The following FAM174B variants were observed in gnomAD, a reference collection of about 807,000 sequenced individuals.
FAM174B encodes family with sequence similarity 174 member B.
A neutral mutation model predicts 10.9 loss-of-function variants in FAM174B; 12 were observed. That is an observed-to-expected ratio of 1.10 (90% CI 0.71 to 1.79). The LOEUF (loss-of-function observed/expected upper bound fraction) is 1.79, where lower values mean the gene tolerates loss of function less well. Among genes scored for constraint, FAM174B ranks in the 40% most tolerant of loss-of-function variants. The pLI, the probability that FAM174B is intolerant of heterozygous loss-of-function variation, is 0.00. For missense variants in FAM174B, 266 were observed against 233.3 expected (o/e 1.14, Z -0.91); for synonymous variants, 132 against 115.8 (o/e 1.14, Z -0.90).
At chr15:92,640,177 T>C (rs182054875) in intron 1 of FAM174B, among the ~76,000 whole-genome samples, 8 of 152,188 alleles carry the variant, frequency 5.3e-5, no homozygotes, top group African/African-American at 1.9e-4. Flanking sequence ...ATAGAAGTAC[T>C]AGAAGAAAAC....
At position 92,630,305 on chromosome 15, in the gene FAM174B, T is replaced by C. The variant is rs1163207686; in HGVS notation, c.385A>G (p.Ile129Val). Residue 129 changes from isoleucine (I) to valine (V), a missense_variant, in exon 2 of 3, where the codon ATC becomes GTC. Coordinates refer to ENST00000327355, the MANE Select transcript of FAM174B (RefSeq NM_207446.3). ...RLKKTRKYDI[I>V]TTPAERVEMA... ...TCCACTCGCTCTGCTGGAGTGGTGA[T>C]GATATCATACTTGCGTGTCTTCTTT... 1 of 1,613,756 alleles carries C rather than the reference T, an allele frequency of 6.2e-7. No individual in the cohort carries two copies. Among genetic ancestry groups the C allele is most frequent in the Non-Finnish European group, 8.5e-7 (1 of 1,179,782 alleles).
rs501381 is a variant in FAM174B at position 92,655,441 on chromosome 15, A to G, written c.219T>C (p.Ser73=). Residue 73 remains serine (S), a synonymous_variant, in exon 1 of 3, where the codon AGT becomes AGC. Coordinates refer to ENST00000327355, the MANE Select transcript of FAM174B (RefSeq NM_207446.3). ...AAATGCGGGTCACCAAGGCGTCGCC[A>G]CTGCTGTTGGAGCTGGAGCTGCCGC... The part of the protein sequence containing the change: ...GGSGSSSSNS[S]GDALVTRISI... 1 allele frequency: 1,580,080 copies of G among 1,587,978 alleles called. 786,443 individuals carry two copies. Among genetic ancestry groups the G allele is most frequent in the East Asian group, 1 (42,305 of 42,308 alleles).
chr15:92,638,285 C>G (rs1416212926), intron 1 of FAM174B, among the ~76,000 whole-genome samples: 1 of 152,198 alleles, frequency 6.6e-6, no homozygotes, highest in Non-Finnish European at 1.5e-5. Flanking sequence ...TCATTTCTAA[C>G]AAGAGAGAGG....
intron 2 of FAM174B, among the ~76,000 whole-genome samples, chr15:92,628,499 G>T (rs537507591): frequency 6.6e-6 from 1 of 152,024 alleles, no homozygotes; most frequent in South Asian, 2.1e-4. Context: ...TTCAATTTGT[G>T]GTTGCTTGAG....
In FAM174B at chr15:92,632,273, G is replaced by A. The variant is rs913512160; in HGVS notation, c.345-1928C>T. On this transcript the variant is annotated intron_variant, in intron 1 of 2. Transcript: ENST00000327355. ...TAAAGACAGGCTCTCGGCCGGGTGC[G>A]GTGGCTCACGCCTGTAATCCTAGCA... Among the ~76,000 whole-genome samples the A allele has an allele frequency of 5.3e-5, 8 of 152,128 alleles. No homozygotes were observed. The South Asian group carries it at 6.2e-4, about 12-fold the overall frequency.
Position 92,619,003 on chromosome 15 carries a change from G to C in FAM174B, c.*453C>G. On this transcript the variant is annotated 3_prime_UTR_variant, in exon 3 of 3. Coordinates refer to ENST00000327355, the MANE Select transcript of FAM174B (RefSeq NM_207446.3). ...AAAAAGCAGCAAAGGATCAGATGGG[G>C]TCCAATGTGTAGATCCAGTAGAGAA... 2 of 599,456 alleles carry C rather than the reference G, an allele frequency of 3.3e-6. No homozygotes were observed. The highest frequency in any genetic ancestry group is 4.1e-5 in the South Asian group (2 of 49,108). 37.1% of individuals were successfully genotyped at this position (599,456 alleles called of 1,614,324 possible). A position where few individuals can be genotyped will look rare whatever the true frequency, so the allele number is the denominator to read the frequency against.
At chr15:92,653,832 G>A (rs73460415) in intron 1 of FAM174B, among the ~76,000 whole-genome samples, 5,122 of 152,386 alleles carry the variant, frequency 0.034, 192 homozygotes, top group African/African-American at 0.089. Flanking sequence ...ACTAGGCTCA[G>A]AAGCGCTGGT....
chr15:92,622,598 G>A (rs1245561279), intron 2 of FAM174B, among the ~76,000 whole-genome samples: 5 of 152,256 alleles, frequency 3.3e-5, no homozygotes, highest in South Asian at 4.1e-4. Flanking sequence ...GGGTTCCCCC[G>A]AGGAGGGGCT....
In FAM174B at chr15:92,632,340, A is replaced by C. The variant is rs144233574; in HGVS notation, c.345-1995T>G. Reference sequence around the variant, plus strand: ...CAGGTGGATCACAAGGTCAGGAGATAGAGACTATCCTGGCTAACATGGTGA... The same window carrying C: ...CAGGTGGATCACAAGGTCAGGAGATCGAGACTATCCTGGCTAACATGGTGA... On this transcript the variant is annotated intron_variant, in intron 1 of 2. Coordinates refer to ENST00000327355, the MANE Select transcript of FAM174B (RefSeq NM_207446.3). 9.8e-3 allele frequency among the ~76,000 whole-genome samples: 1,492 copies of C among 152,244 alleles called. 16 individuals carry two copies. The highest frequency in any genetic ancestry group is 0.027 in the African/African-American group (1,110 of 41,546).
intron 1 of FAM174B, among the ~76,000 whole-genome samples, chr15:92,644,778 A>C (rs1285546978): frequency 1.3e-5 from 2 of 152,240 alleles, no homozygotes; most frequent in African/African-American, 4.8e-5. Flanking sequence ...TCTTCAAGTC[A>C]AAAAGGCACA....
chr15:92,631,734 G>T (rs2050820364), intron 1 of FAM174B, among the ~76,000 whole-genome samples: 2 of 151,080 alleles, frequency 1.3e-5, no homozygotes, highest in African/African-American at 4.9e-5. Context: ...CTGACCTCGT[G>T]ATCTGCCCAC....
At chr15:92,624,955 C>T (rs1567042799) in intron 2 of FAM174B, among the ~76,000 whole-genome samples, 1 of 152,178 alleles carries the variant, frequency 6.6e-6, no homozygotes, top group Non-Finnish European at 1.5e-5. Context: ...ACCGGGAATG[C>T]AAAGAGGCCC....
At chr15:92,635,587 T>C (rs1431671366) in intron 1 of FAM174B, among the ~76,000 whole-genome samples, 2 of 149,942 alleles carry the variant, frequency 1.3e-5, no homozygotes, top group Non-Finnish European at 3.0e-5. Flanking sequence ...TTCTTTTTTT[T>C]TTTTTTTTTT....
intron 1 of FAM174B, among the ~76,000 whole-genome samples, chr15:92,631,383 ATATATTATATATTATAT>A (rs1776381836): frequency 3.1e-5 from 1 of 32,112 alleles, no homozygotes; most frequent in African/African-American, 1.8e-4. Flanking sequence ...ATAATATATT[ATATATTATATATTATAT>A]TATATTATAT....
Position 92,655,465 on chromosome 15 carries a change from G to A in FAM174B, c.195C>T (p.Ser65=), listed in dbSNP as rs528668704. The change falls in exon 1 of 3, where the codon AGC becomes AGT. Residue 65 remains serine, a synonymous_variant. Coordinates refer to ENST00000327355, the MANE Select transcript of FAM174B (RefSeq NM_207446.3). ...TRFGSGAAGG[S]GSSSSNSSGD... ...CACTGCTGTTGGAGCTGGAGCTGCC[G>A]CTGCCGCCCGCCGCCCCAGACCCAA... is the stretch of plus-strand genomic sequence containing the variant. The A allele has an allele frequency of 6.2e-5, 97 of 1,558,154 alleles. 1 individual carries two copies. In the Middle Eastern group the frequency reaches 1.1e-3, roughly 17 times the overall value.
At chr15:92,622,079 G>T (rs778487669) in intron 2 of FAM174B, among the ~76,000 whole-genome samples, 1 of 152,156 alleles carries the variant, frequency 6.6e-6, no homozygotes, top group Non-Finnish European at 1.5e-5. Context: ...GAAAGCAGCC[G>T]GCAGAATCAA....
chr15:92,646,171 A>G (rs1178779649), intron 1 of FAM174B, among the ~76,000 whole-genome samples: 1 of 152,130 alleles, frequency 6.6e-6, no homozygotes, highest in Non-Finnish European at 1.5e-5. Context: ...CAGCCACGTC[A>G]CTATTCATGC....
rs1281976899 is a variant in FAM174B, at chr15:92,618,159, AT to A, written c.*1296del. 6.4e-6 allele frequency: 1 copy of A among 156,078 alleles called. No homozygotes were observed. The highest frequency in any genetic ancestry group is 1.4e-5 in the Non-Finnish European group (1 of 70,748). 9.7% of individuals were successfully genotyped at this position (156,078 alleles called of 1,614,324 possible). The stretch of plus-strand genomic sequence containing the variant: ...AGCAAAGCCAGGAAAAAAGGGGGAG[AT>A]AAAAAATAAAAAAATAAAAAACACC... On this transcript the variant is annotated 3_prime_UTR_variant, in exon 3 of 3. Coordinates refer to ENST00000327355, the MANE Select transcript of FAM174B (RefSeq NM_207446.3).
At chr15:92,634,226 C>T (rs1171033448) in intron 1 of FAM174B, 1 of 152,222 alleles carries the variant, frequency 6.6e-6, no homozygotes, top group Non-Finnish European at 1.5e-5. Context: ...CGGCTTCAGG[C>T]TGAGGAGTCA....
Sources: allele counts gnomAD v4.1 joint callset (sites outside exome capture counted in the v4.1 genomes callset), GRCh38; gene constraint gnomAD v4.1.1; transcripts MANE v1.5; gene names NCBI Gene and HGNC (gene_info 2026-07-23, HGNC 2026-07-21).